The following PSG6 variants were observed in gnomAD, a reference collection of about 807,000 sequenced individuals.
The protein encoded by PSG6 is pregnancy-specific beta-1-glycoprotein 6.
In PSG6, 51 loss-of-function variants were observed where a neutral mutation model predicts 43.3. That is an observed-to-expected ratio of 1.18 (90% confidence interval 0.94 to 1.49). PSG6 has a LOEUF of 1.49. Among genes scored for constraint, PSG6 ranks in the 40% most tolerant of loss-of-function variants. The pLI is 0.00. For synonymous variants in PSG6, 292 were observed against 197.6 expected (o/e 1.48, Z -4.01); for missense variants, 770 against 522.2 (o/e 1.47, Z -4.62).
chr19:42,907,765 G>A lies in PSG6; in HGVS notation c.796C>T (p.Arg266Trp), dbSNP rs527513587. 3.1e-5 allele frequency: 50 copies of A among 1,610,732 alleles called. 2 individuals carry two copies. The East Asian group carries it at 5.8e-4, about 19-fold the overall frequency. The change falls in exon 4 of 6, where the codon CGG (arginine) becomes TGG (tryptophan). Residue 266 changes from arginine (R) to tryptophan (W), a missense_variant. Arg to Trp is a moderately radical substitution (Grantham distance 101). Coordinates refer to ENST00000187910, the MANE Select transcript of PSG6 (RefSeq NM_001031850.4). ...VLAFTCEPKSRNYTYIWWLNG... is the reference protein window; with the variant it reads ...VLAFTCEPKSWNYTYIWWLNG... ...AGCCACCAAATGTAGGTGTAGTTCC[G>A]ACTCTTAGGTTCACAGGTGAAGGCT...
At position 42,907,176 on chromosome 19, in the gene PSG6, T is replaced by A. The variant is rs138770372; in HGVS notation, c.986A>T (p.Tyr329Phe). ...RSNPVTLNVLYGPDLPRIYPS... is the reference protein window; with the variant it reads ...RSNPVTLNVLFGPDLPRIYPS... ...GTAAATTCTGGGGAGGTCTGGACCATCTGGAGGAAAGAGAATAAAGCCACA... is the reference window on the plus strand; with the variant it reads ...GTAAATTCTGGGGAGGTCTGGACCAACTGGAGGAAAGAGAATAAAGCCACA... Residue 329 changes from tyrosine (Y) to phenylalanine (F), a missense_variant and splice_region_variant, in exon 5 of 6, where the codon TAT (tyrosine) becomes TTT (phenylalanine). Coordinates refer to ENST00000187910, the MANE Select transcript of PSG6 (RefSeq NM_001031850.4). The A allele has an allele frequency of 1.2e-6, 2 of 1,610,852 alleles. No individual in the cohort carries two copies. The highest frequency in any genetic ancestry group is 1.3e-5 in the African/African-American group (1 of 74,768).
rs79013378 is a variant in PSG6, at chr19:42,909,012, T to A, written c.707-1158A>T. Among the ~76,000 whole-genome samples, 1,270 of 151,794 alleles carry A rather than the reference T, an allele frequency of 8.4e-3. 41 individuals are homozygous for A. Among genetic ancestry groups the A allele is most frequent in the African/African-American group, 0.03 (1,222 of 41,390 alleles). The stretch of plus-strand genomic sequence containing the variant: ...CCTATAGTTCACACAGATTATCTCT[T>A]ATGCATAAGTTTTAGGACAAAAAGT... On this transcript the variant is annotated intron_variant, in intron 3 of 5. Coordinates refer to ENST00000187910, the MANE Select transcript of PSG6 (RefSeq NM_001031850.4).
intron 5 of PSG6, among the ~76,000 whole-genome samples, chr19:42,903,962 G>T (rs1470458509): frequency 2.6e-5 from 4 of 151,488 alleles, no homozygotes; most frequent in African/African-American, 9.7e-5. Context: ...ATAAAATAAT[G>T]ATTATGAAAG....
rs151320141 is a variant in PSG6, at chr19:42,916,179, T to G, written c.373A>C (p.Lys125Gln). ...DAGSYTLHII[K>Q]RGDGTGGVTG... ...ACTCCTCCAGTCCCATCGCCTCGCT[T>G]TATGATGTGTAAGGTGTAGGATCCT... Residue 125 changes from lysine (K) to glutamine (Q), a missense_variant, in exon 2 of 6, where the codon AAG becomes CAG. Lys to Gln is a moderately conservative substitution (Grantham distance 53, BLOSUM62 1). Coordinates refer to ENST00000187910, the MANE Select transcript of PSG6 (RefSeq NM_001031850.4). 45 of 1,611,996 alleles carry G rather than the reference T, an allele frequency of 2.8e-5. 1 individual carries two copies. The African/African-American group carries it at 5.1e-4, about 18-fold the overall frequency.
chr19:42,909,670 A>G (rs1972181009), intron 3 of PSG6: 1 of 151,648 alleles, frequency 6.6e-6, no homozygotes, highest in Admixed American at 6.6e-5. Flanking sequence ...ATTCCTTTTG[A>G]TGTTAATGTG....
rs571499091 is a variant in PSG6, at chr19:42,907,456, G to C, written c.985+120C>G. On this transcript the variant is annotated intron_variant, in intron 4 of 5. Transcript: ENST00000187910. ...TCCCAGGGCAGGGAGTCATGGCCAG[G>C]TCTGATGTCCAGAAGTAAAGTTGTC... 4.5e-5 allele frequency: 70 copies of C among 1,543,888 alleles called. 1 individual carries two copies. Among genetic ancestry groups the C allele is most frequent in the South Asian group, 1.7e-4 (13 of 78,340 alleles).
At chr19:42,914,428 C>A (rs1286508834) in intron 2 of PSG6, among the ~76,000 whole-genome samples, 1 of 149,372 alleles carries the variant, frequency 6.7e-6, no homozygotes, top group Non-Finnish European at 1.5e-5. Flanking sequence ...AGATGAGGGA[C>A]ACAGAGAAGC....
intron 5 of PSG6, among the ~76,000 whole-genome samples, chr19:42,905,005 C>T (rs1214321779): frequency 2.0e-5 from 3 of 151,504 alleles, no homozygotes; most frequent in Admixed American, 1.3e-4. Flanking sequence ...TGATTTTCAT[C>T]GAGTGTGCCA....
chr19:42,910,336 A>G lies in PSG6; in HGVS notation c.706+244T>C, dbSNP rs556649951. 12 of 1,019,584 alleles carry G rather than the reference A, an allele frequency of 1.2e-5. No individual in the cohort carries two copies. The African/African-American group carries it at 2.0e-4, about 17-fold the overall frequency. 63.2% of individuals were successfully genotyped at this position (1,019,584 alleles called of 1,614,324 possible). On this transcript the variant is annotated intron_variant, in intron 3 of 5. Coordinates refer to ENST00000187910, the MANE Select transcript of PSG6 (RefSeq NM_001031850.4). ...CACTGATCTGGAGCCTGAGACATTC[A>G]CCTGTTTCTTCCATCACAAGCTGTG...
rs1972367416 is a variant in PSG6, at chr19:42,917,789, C to T, written c.4G>A (p.Gly2Arg). ...GTGCAGGGAGGGGCTGAGAGGGGTC[C>T]CATGGTCTCTGCTGTCTGTGTGTTC... M[G>R]PLSAPPCTQH... The change falls in exon 1 of 6, where the codon GGA (glycine) becomes AGA (arginine). Residue 2 changes from glycine to arginine, a missense_variant. Physicochemically the swap from Gly to Arg is moderately radical, Grantham distance 125. Transcript: ENST00000187910. 6 of 1,609,420 alleles carry T rather than the reference C, an allele frequency of 3.7e-6. No homozygotes were observed. Among genetic ancestry groups the T allele is most frequent in the Admixed American group, 1.7e-5 (1 of 59,768 alleles).
chr19:42,906,898 C>T (rs1218015969), intron 5 of PSG6, 24 bp downstream of exon 5: 3 of 1,611,966 alleles, frequency 1.9e-6, no homozygotes, highest in African/African-American at 2.7e-5. Flanking sequence ...AACCCTATTG[C>T]CAAGGATGCT....
At chr19:42,908,357 A>C (rs1267989444) in intron 3 of PSG6, among the ~76,000 whole-genome samples, 1 of 151,744 alleles carries the variant, frequency 6.6e-6, no homozygotes, top group Non-Finnish European at 1.5e-5. Context: ...CTGGGACTGG[A>C]TGTTTCAGCA....
At chr19:42,913,325 T>G (rs527729694) in intron 2 of PSG6, among the ~76,000 whole-genome samples, 1 of 151,746 alleles carries the variant, frequency 6.6e-6, no homozygotes, top group South Asian at 2.1e-4. Flanking sequence ...TAATTTTTTG[T>G]ATTTTTAGTA....
At chr19:42,911,694 C>A (rs1459907334) in intron 2 of PSG6, among the ~76,000 whole-genome samples, 2 of 151,724 alleles carry the variant, frequency 1.3e-5, no homozygotes, top group Non-Finnish European at 2.9e-5. Flanking sequence ...GTGGAAAGGG[C>A]AAACATGAAC....
At position 42,907,702 on chromosome 19, in the gene PSG6, G is replaced by A. The variant is rs372774102; in HGVS notation, c.859C>T (p.Arg287Ter). Residue 287 changes from arginine (R) to a stop codon, truncating the protein, a stop_gained, in exon 4 of 6, where the codon CGA becomes TGA. Transcript: ENST00000187910. LOFTEE classifies it high-confidence loss of function. ...ATGAGTATCCTGTTTTCAATGGGTC[G>A]CTTTACCCTCGGACTGACCGGGAGG... The part of the protein sequence containing the change: ...QSLPVSPRVK[R>*]PIENRILILP... 117 of 1,610,696 alleles carry A rather than the reference G, an allele frequency of 7.3e-5. 4 individuals carry two copies. Among genetic ancestry groups the A allele is most frequent in the Non-Finnish European group, 9.6e-5 (113 of 1,179,102 alleles).
In PSG6 at chr19:42,908,932, C is replaced by T. The variant is rs567218878; in HGVS notation, c.707-1078G>A. 1.3e-3 allele frequency among the ~76,000 whole-genome samples: 191 copies of T among 151,628 alleles called. 1 individual carries two copies. The highest frequency in any genetic ancestry group is 4.5e-3 in the African/African-American group (187 of 41,332). ...GAATCAGAAGTTGTTCATGGGTGTG[C>T]AGTTTCAGTTATACAAGTTGGAGAG... On this transcript the variant is annotated intron_variant, in intron 3 of 5. Transcript: ENST00000187910.
Position 42,907,228 on chromosome 19 carries a change from G to T in PSG6, c.986-52C>A, listed in dbSNP as rs1461556257. The T allele has an allele frequency of 8.8e-6, 14 of 1,585,886 alleles. 1 individual carries two copies. The highest frequency in any genetic ancestry group is 2.3e-5 in the South Asian group (2 of 85,170). On this transcript the variant is annotated intron_variant, in intron 4 of 5. Transcript: ENST00000187910. ...GTGATGTCATCCAAGGGAAGGGGATGCTCCTGGTCTCTTAAAGGGACACAG... is the reference window on the plus strand; with the variant it reads ...GTGATGTCATCCAAGGGAAGGGGATTCTCCTGGTCTCTTAAAGGGACACAG...
Position 42,914,054 on chromosome 19 carries a change from G to A in PSG6, c.427+2071C>T, listed in dbSNP as rs7249041. On this transcript the variant is annotated intron_variant, in intron 2 of 5. Coordinates refer to ENST00000187910, the MANE Select transcript of PSG6 (RefSeq NM_001031850.4). ...ATTTTATTTTATTTTATATTTTTTT[G>A]TGTGCAGGAGGCCAGAGGAACTTGT... is the stretch of plus-strand genomic sequence containing the variant. 2.0e-3 allele frequency among the ~76,000 whole-genome samples: 300 copies of A among 151,344 alleles called. 9 individuals carry two copies. The highest frequency in any genetic ancestry group is 7.1e-3 in the African/African-American group (292 of 41,234).
intron 5 of PSG6, among the ~76,000 whole-genome samples, chr19:42,905,300 A>G (rs1440466871): frequency 6.6e-6 from 1 of 151,802 alleles, no homozygotes; most frequent in Non-Finnish European, 1.5e-5. Context: ...TATATAGCCC[A>G]TGCAAAGTTC....
Sources: gnomAD v4.1 joint callset for allele counts (sites outside exome capture counted in the v4.1 genomes callset) on GRCh38, gnomAD v4.1.1 for gene constraint, MANE v1.5 for transcripts, NCBI Gene and HGNC (gene_info 2026-07-23, HGNC 2026-07-21) for gene names.